CD96: variants seen among roughly 807,000 people sequenced by gnomAD.
CD96 encodes the protein CD96 molecule, also known as T-cell surface protein tactile.
CD96 carries 70 observed loss-of-function variants against 71.3 expected under a neutral mutation model. The ratio of observed to expected loss-of-function variants is 0.98; its 90% CI spans 0.81 to 1.20. The LOEUF (loss-of-function observed/expected upper bound fraction) is 1.20, where lower values mean the gene tolerates loss of function less well. CD96 is among the 50% of genes most tolerant of loss of function. The pLI is 0.00. For synonymous variants in CD96, 248 were observed against 233.0 expected (o/e 1.06, Z -0.59); for missense variants, 742 against 677.5 (o/e 1.10, Z -1.06).
At chr3:111,635,045 A>T (rs1939261606) in intron 10 of CD96, 1 of 153,378 alleles carries the variant, frequency 6.5e-6, no homozygotes, top group Non-Finnish European at 1.5e-5. Flanking sequence ...GTATTGTTTC[A>T]TCAAAAGATG....
intron 13 of CD96, among the ~76,000 whole-genome samples, chr3:111,648,107 T>C (rs1939917922): frequency 6.6e-6 from 1 of 152,172 alleles, no homozygotes; most frequent in Non-Finnish European, 1.5e-5. Context: ...TTTACCAGAG[T>C]GGGCTTTTAC....
chr3:111,613,806 T>G (rs1033478867), intron 8 of CD96, among the ~76,000 whole-genome samples: 6 of 152,232 alleles, frequency 3.9e-5, no homozygotes, highest in Admixed American at 6.5e-5. Context: ...AGTTTTACAT[T>G]GGAATAAGGC....
chr3:111,625,682 T>C (rs1450164050), intron 10 of CD96, among the ~76,000 whole-genome samples: 2 of 152,100 alleles, frequency 1.3e-5, no homozygotes, highest in African/African-American at 4.8e-5. Context: ...ATAAAATAAA[T>C]GTGGATTTCC....
chr3:111,639,646 A>C (rs1939502267), intron 12 of CD96, among the ~76,000 whole-genome samples: 1 of 152,112 alleles, frequency 6.6e-6, no homozygotes, highest in Admixed American at 6.5e-5. Flanking sequence ...CTTTCTGGAG[A>C]GCTCTACCTC....
intron 3 of CD96, among the ~76,000 whole-genome samples, chr3:111,574,288 A>G (rs1936123110): frequency 6.6e-6 from 1 of 152,194 alleles, no homozygotes; most frequent in Non-Finnish European, 1.5e-5. Context: ...AATGCTCCAA[A>G]ATCTGAAACT....
chr3:111,588,059 C>A (rs926607391), intron 5 of CD96, among the ~76,000 whole-genome samples: 1 of 152,240 alleles, frequency 6.6e-6, no homozygotes, highest in Non-Finnish European at 1.5e-5. Context: ...ATGCAAATTT[C>A]TGCAGCCAGC....
At chr3:111,577,145 A>G (rs933427531) in intron 3 of CD96, among the ~76,000 whole-genome samples, 4 of 152,222 alleles carry the variant, frequency 2.6e-5, no homozygotes, top group African/African-American at 9.6e-5. Flanking sequence ...ATAATAAAGA[A>G]AAAAGCAGTT....
intron 5 of CD96, chr3:111,594,278 T>C: frequency 6.7e-7 from 1 of 1,485,384 alleles, no homozygotes; most frequent in South Asian, 1.4e-5. Flanking sequence ...AGATTAAATA[T>C]ATATTTGGGA....
intron 14 of CD96, among the ~76,000 whole-genome samples, chr3:111,665,298 C>A (rs1269174083): frequency 6.6e-6 from 1 of 151,984 alleles, no homozygotes; most frequent in African/African-American, 2.4e-5. Flanking sequence ...TTGAGCAAGA[C>A]CCTAATGAAA....
intron 10 of CD96, among the ~76,000 whole-genome samples, chr3:111,635,720 C>T (rs1939295805): frequency 6.6e-6 from 1 of 152,118 alleles, no homozygotes; most frequent in Admixed American, 6.5e-5. Flanking sequence ...TTTTTAAATA[C>T]CCATTTTCCT....
chr3:111,623,854 G>C (rs928143836), intron 9 of CD96, 32 bp downstream of exon 9: 2 of 1,420,860 alleles, frequency 1.4e-6, no homozygotes, highest in African/African-American at 2.8e-5. Context: ...TACATGATTG[G>C]AAAGAGACAA....
chr3:111,637,934 T>G, intron 11 of CD96, 145 bp from the exon 12 acceptor site: 2 of 676,300 alleles, frequency 3.0e-6, no homozygotes, highest in Non-Finnish European at 5.4e-6. Context: ...AAATTGGTTC[T>G]TAATAAACTT....
intron 3 of CD96, among the ~76,000 whole-genome samples, chr3:111,575,146 G>A (rs1309269960): frequency 6.6e-6 from 1 of 152,090 alleles, no homozygotes; most frequent in African/African-American, 2.4e-5. Flanking sequence ...TACTACTTTT[G>A]TGAGACTGTA....
intron 2 of CD96, among the ~76,000 whole-genome samples, chr3:111,548,323 G>A (rs1934519790): frequency 1.3e-5 from 2 of 152,176 alleles, no homozygotes; most frequent in Admixed American, 1.3e-4. Flanking sequence ...GGGCCTAGCT[G>A]TGAAAGGATT....
At chr3:111,625,013 C>G (rs890232822) in intron 10 of CD96, among the ~76,000 whole-genome samples, 1 of 152,188 alleles carries the variant, frequency 6.6e-6, no homozygotes, top group Admixed American at 6.5e-5. Flanking sequence ...AGGAAGGAGG[C>G]TGGAGCAAAA....
chr3:111,552,961 A>G (rs1934792790), intron 2 of CD96, among the ~76,000 whole-genome samples: 1 of 152,052 alleles, frequency 6.6e-6, no homozygotes, highest in Non-Finnish European at 1.5e-5. Context: ...ACAATTATCA[A>G]CTCATAGGCA....
intron 10 of CD96, among the ~76,000 whole-genome samples, chr3:111,636,839 G>A (rs1019464063): frequency 6.6e-6 from 1 of 152,074 alleles, no homozygotes. Context: ...TTGACTAAAC[G>A]CCGCCATAAC....
At chr3:111,665,564 C>T (rs1576447518) in exon 15 of CD96, 1 of 152,132 alleles carries the variant, frequency 6.6e-6, no homozygotes, top group Admixed American at 6.5e-5. Context: ...AATCAATTTT[C>T]CTTTCTTAAG....
At chr3:111,598,721 G>A (rs946426572) in intron 6 of CD96, among the ~76,000 whole-genome samples, 4 of 152,128 alleles carry the variant, frequency 2.6e-5, no homozygotes, top group Admixed American at 2.6e-4. Flanking sequence ...CCTTGACAAG[G>A]TACATGTTCC....
Sources: allele counts gnomAD v4.1 joint callset (sites outside exome capture counted in the v4.1 genomes callset), GRCh38; gene constraint gnomAD v4.1.1; transcripts MANE v1.5; gene names NCBI Gene and HGNC (gene_info 2026-07-23, HGNC 2026-07-21).